The following B3GALT1 variants were observed in gnomAD, a reference collection of about 807,000 sequenced individuals.
The protein encoded by B3GALT1 is beta-1,3-galactosyltransferase 1, also known as UDP-Gal:betaGlcNAc beta 1,3-galactosyltransferase, polypeptide 1.
B3GALT1 carries 10 observed loss-of-function variants against 23.2 expected under a neutral mutation model. The observed-to-expected ratio is 0.43, with a 90% confidence interval of 0.27 to 0.73. The LOEUF (loss-of-function observed/expected upper bound fraction) is 0.73, where lower values mean the gene tolerates loss of function less well. Among genes scored for constraint, B3GALT1 ranks in the 30% least tolerant of loss-of-function variants. The pLI is 0.21. For missense variants in B3GALT1, 299 were observed against 405.4 expected, an observed-to-expected ratio of 0.74 and a Z score of 2.25; for synonymous variants, 156 against 141.5, an observed-to-expected ratio of 1.10 and a Z score of -0.73.
chr2:167,482,255 A>G (rs914657419), intron 1 of B3GALT1, among the ~76,000 whole-genome samples: 5 of 152,232 alleles, frequency 3.3e-5, no homozygotes, highest in Non-Finnish European at 7.3e-5. Context: ...GAAGAGATGA[A>G]TCATATTTTT....
At chr2:167,422,934 A>G (rs1462497106) in intron 1 of B3GALT1, among the ~76,000 whole-genome samples, 2 of 152,114 alleles carry the variant, frequency 1.3e-5, no homozygotes, top group African/African-American at 4.8e-5. Context: ...TGAAATACAG[A>G]GCTGAGGGGA....
At chr2:167,654,157 T>C (rs1574192544) in intron 3 of B3GALT1, among the ~76,000 whole-genome samples, 1 of 152,170 alleles carries the variant, frequency 6.6e-6, no homozygotes, top group East Asian at 1.9e-4. Flanking sequence ...CTGTTTTCTC[T>C]TCCAGAAAAT....
intron 3 of B3GALT1, among the ~76,000 whole-genome samples, chr2:167,751,858 G>T (rs1224109247): frequency 1.3e-5 from 2 of 152,148 alleles, no homozygotes; most frequent in East Asian, 3.9e-4. Flanking sequence ...TACTGCTGCA[G>T]TCTAGGAAAG....
chr2:167,595,730 A>G (rs1684763388), intron 2 of B3GALT1, among the ~76,000 whole-genome samples: 1 of 152,224 alleles, frequency 6.6e-6, no homozygotes. Flanking sequence ...GAACACAGTC[A>G]ATACTTGTGT....
intron 1 of B3GALT1, among the ~76,000 whole-genome samples, chr2:167,356,790 TAATTA>T (rs2105259764): frequency 6.6e-6 from 1 of 152,004 alleles, no homozygotes; most frequent in South Asian, 2.1e-4. Context: ...ATATATATAG[TAATTA>T]AATTTGTATA....
chr2:167,868,506 AAT>A (rs1448212445), intron 4 of B3GALT1, among the ~76,000 whole-genome samples: 2 of 148,948 alleles, frequency 1.3e-5, no homozygotes, highest in African/African-American at 5.0e-5. Context: ...AAAAAAAAAA[AAT>A]ACGTCATGTG....
At chr2:167,486,743 A>G (rs915714457) in intron 1 of B3GALT1, among the ~76,000 whole-genome samples, 5 of 152,208 alleles carry the variant, frequency 3.3e-5, no homozygotes, top group African/African-American at 9.6e-5. Context: ...TACCATATTT[A>G]TGAGAAAGTA....
intron 2 of B3GALT1, among the ~76,000 whole-genome samples, chr2:167,565,982 C>A (rs1365857336): frequency 1.3e-5 from 2 of 151,944 alleles, no homozygotes; most frequent in African/African-American, 4.8e-5. Flanking sequence ...ACCATTTGAC[C>A]CAGCCATCCC....
At chr2:167,301,036 C>A (rs936784978) in intron 1 of B3GALT1, among the ~76,000 whole-genome samples, 1 of 152,166 alleles carries the variant, frequency 6.6e-6, no homozygotes, top group African/African-American at 2.4e-5. Flanking sequence ...TCATATTCAT[C>A]ATTTTATTCT....
chr2:167,293,800 C>T (rs942423775), intron 1 of B3GALT1, among the ~76,000 whole-genome samples: 3 of 152,014 alleles, frequency 2.0e-5, no homozygotes, highest in Admixed American at 1.3e-4. Context: ...GTGGACCTGG[C>T]GCGCCAGGGG....
chr2:167,513,261 A>G (rs1700055360), intron 2 of B3GALT1, among the ~76,000 whole-genome samples: 1 of 151,286 alleles, frequency 6.6e-6, no homozygotes, highest in Admixed American at 6.6e-5. Context: ...AAATCTCTTC[A>G]CCTAACATGG....
At chr2:167,296,340 AGT>A (rs1290380255) in intron 1 of B3GALT1, among the ~76,000 whole-genome samples, 2 of 152,252 alleles carry the variant, frequency 1.3e-5, no homozygotes, top group African/African-American at 4.8e-5. Context: ...TAGGTAAGAA[AGT>A]GAGGTTTATA....
chr2:167,786,822 G>GA (rs1688350992), intron 3 of B3GALT1, among the ~76,000 whole-genome samples: 1 of 152,178 alleles, frequency 6.6e-6, no homozygotes, highest in South Asian at 2.1e-4. Flanking sequence ...GCTGCAATTA[G>GA]AAATATCTGA....
chr2:167,749,256 C>T (rs1319388451), intron 3 of B3GALT1, among the ~76,000 whole-genome samples: 6 of 152,148 alleles, frequency 3.9e-5, no homozygotes, highest in Non-Finnish European at 7.3e-5. Context: ...AATAACTAAG[C>T]TCTTTCCAGG....
chr2:167,315,675 A>C (rs551115341), intron 1 of B3GALT1, among the ~76,000 whole-genome samples: 1 of 152,312 alleles, frequency 6.6e-6, no homozygotes, highest in South Asian at 2.1e-4. Context: ...TCCTATACCA[A>C]GTACAGTGCC....
At chr2:167,488,170 A>G (rs998030724) in intron 1 of B3GALT1, among the ~76,000 whole-genome samples, 2 of 152,204 alleles carry the variant, frequency 1.3e-5, no homozygotes, top group African/African-American at 4.8e-5. Flanking sequence ...GCTTTGGTCT[A>G]AGCACTCTAT....
chr2:167,356,923 A>T (rs540378509), intron 1 of B3GALT1, among the ~76,000 whole-genome samples: 1 of 152,054 alleles, frequency 6.6e-6, no homozygotes, highest in Non-Finnish European at 1.5e-5. Flanking sequence ...AGTAATTTAA[A>T]TGTAAATGAG....
intron 1 of B3GALT1, among the ~76,000 whole-genome samples, chr2:167,412,745 AAAAT>A (rs1274444465): frequency 6.6e-6 from 1 of 152,122 alleles, no homozygotes; most frequent in Admixed American, 6.5e-5. Context: ...TTATAGAGAC[AAAAT>A]AAATGTGTAC....
At chr2:167,451,038 T>G (rs1193808339) in intron 1 of B3GALT1, among the ~76,000 whole-genome samples, 1 of 152,078 alleles carries the variant, frequency 6.6e-6, no homozygotes, top group Non-Finnish European at 1.5e-5. Flanking sequence ...CTTTTTTTCC[T>G]GAAGTTGTGA....
Sources: gnomAD v4.1 joint callset for allele counts (sites outside exome capture counted in the v4.1 genomes callset) on GRCh38, gnomAD v4.1.1 for gene constraint, MANE v1.5 for transcripts, NCBI Gene and HGNC (gene_info 2026-07-23, HGNC 2026-07-21) for gene names.